The following THRB variants were observed in gnomAD, a reference collection of about 807,000 sequenced individuals.
The protein encoded by THRB is nuclear receptor subfamily 1 group A member 2.
Under a neutral mutation model 47.8 loss-of-function variants are expected in THRB, and 12 were observed. The observed-to-expected ratio is 0.25, with a 90% CI of 0.16 to 0.41. THRB has a LOEUF of 0.41. Among genes scored for constraint, THRB ranks in the 10% least tolerant of loss-of-function variants. The pLI is 1.00. For missense variants in THRB, 348 were observed against 589.2 expected (o/e 0.59, Z 4.24); for synonymous variants, 218 against 212.2 (o/e 1.03, Z -0.24).
chr3:24,434,494 T>A (rs2070746337), intron 1 of THRB, among the ~76,000 whole-genome samples: 2 of 152,318 alleles, frequency 1.3e-5, no homozygotes, highest in East Asian at 3.9e-4. Context: ...CTCTTTCATA[T>A]CTCCACTTTC....
intron 3 of THRB, among the ~76,000 whole-genome samples, chr3:24,294,665 C>G (rs2056290207): frequency 6.6e-6 from 1 of 152,146 alleles, no homozygotes; most frequent in Non-Finnish European, 1.5e-5. Flanking sequence ...AACACGGAGA[C>G]AATAGTAGGG....
intron 1 of THRB, among the ~76,000 whole-genome samples, chr3:24,352,669 C>A (rs2063428122): frequency 6.6e-6 from 1 of 152,026 alleles, no homozygotes; most frequent in African/African-American, 2.4e-5. Flanking sequence ...GAATTCATCA[C>A]AACAAAATAT....
intron 7 of THRB, among the ~76,000 whole-genome samples, chr3:24,145,805 T>C (rs1415075422): frequency 6.6e-6 from 1 of 152,248 alleles, no homozygotes; most frequent in East Asian, 1.9e-4. Flanking sequence ...ATTTTCTTTT[T>C]TCTTTCTTCA....
chr3:24,163,605 A>G (rs1201628174), intron 5 of THRB, among the ~76,000 whole-genome samples: 1 of 152,170 alleles, frequency 6.6e-6, no homozygotes, highest in Non-Finnish European at 1.5e-5. Context: ...TCAAAGTTAA[A>G]TTACTTATAC....
intron 3 of THRB, among the ~76,000 whole-genome samples, chr3:24,275,554 A>T (rs1463794149): frequency 6.6e-6 from 1 of 152,122 alleles, no homozygotes; most frequent in Non-Finnish European, 1.5e-5. Flanking sequence ...TGGTTTGGAG[A>T]GCCATGTTTT....
intron 3 of THRB, among the ~76,000 whole-genome samples, chr3:24,261,652 C>T (rs537487435): frequency 5.3e-5 from 8 of 152,130 alleles, no homozygotes; most frequent in African/African-American, 1.9e-4. Flanking sequence ...AAAGTTTCTC[C>T]AATCAGACTT....
chr3:24,200,542 T>G (rs2044471105), intron 4 of THRB, among the ~76,000 whole-genome samples: 2 of 152,184 alleles, frequency 1.3e-5, no homozygotes, highest in South Asian at 4.1e-4. Context: ...TCTCAGGGAT[T>G]AACAAAATCC....
chr3:24,285,418 T>C (rs1201566544), intron 3 of THRB, among the ~76,000 whole-genome samples: 1 of 123,424 alleles, frequency 8.1e-6, no homozygotes, highest in Admixed American at 1.0e-4. Flanking sequence ...AACATCACAC[T>C]CTGGGGACTG....
intron 4 of THRB, among the ~76,000 whole-genome samples, chr3:24,207,233 G>A (rs547559006): frequency 5.3e-5 from 8 of 152,166 alleles, no homozygotes; most frequent in South Asian, 2.1e-4. Flanking sequence ...GAACATTGAT[G>A]CAAAAATCCT....
Position 24,234,528 on chromosome 3 carries a change from C to G in THRB, c.-42-5527G>C, listed in dbSNP as rs181460693. The stretch of plus-strand genomic sequence containing the variant: ...GGAGGCTGAAGAGGAATCCATCAAC[C>G]CAAGGATCTGTCTAGGGCTGCCCCA... On this transcript the variant is annotated intron_variant, in intron 3 of 10. Coordinates refer to ENST00000646209, the MANE Select transcript of THRB (RefSeq NM_001354712.2). 3.2e-4 allele frequency among the ~76,000 whole-genome samples: 49 copies of G among 152,188 alleles called. No individual in the cohort carries two copies. The Middle Eastern group carries it at 0.017, about 53-fold the overall frequency.
chr3:24,416,355 C>A (rs1166244375), intron 1 of THRB, among the ~76,000 whole-genome samples: 1 of 151,712 alleles, frequency 6.6e-6, no homozygotes, highest in Non-Finnish European at 1.5e-5. Flanking sequence ...AAATGGCTCG[C>A]TGATGGGATG....
intron 1 of THRB, among the ~76,000 whole-genome samples, chr3:24,340,693 C>A (rs2062577088): frequency 6.6e-6 from 1 of 152,152 alleles, no homozygotes; most frequent in African/African-American, 2.4e-5. Flanking sequence ...ATTGGCCATT[C>A]AATGGGAATG....
chr3:24,162,565 CCCT>C (rs1447561074), intron 5 of THRB, among the ~76,000 whole-genome samples: 5 of 151,716 alleles, frequency 3.3e-5, no homozygotes, highest in African/African-American at 1.2e-4. Flanking sequence ...ATCGGTTTTC[CCCT>C]CCTCAATTCT....
At position 24,372,520 on chromosome 3, in the gene THRB, C is replaced by T. The variant is rs550090790; in HGVS notation, c.-260-35149G>A. On this transcript the variant is annotated intron_variant, in intron 1 of 10. Transcript: ENST00000646209. ...CATTTCTTCTGCATCCATTGACATGCTCAAGTTTTGATCATCCTACTCTGG... is the reference window on the plus strand; with the variant it reads ...CATTTCTTCTGCATCCATTGACATGTTCAAGTTTTGATCATCCTACTCTGG... 2.0e-5 allele frequency among the ~76,000 whole-genome samples: 3 copies of T among 152,192 alleles called. No homozygotes were observed. The East Asian group carries it at 5.8e-4, about 29-fold the overall frequency.
At position 24,413,898 on chromosome 3, in the gene THRB, A is replaced by G. The variant is rs138025110; in HGVS notation, c.-260-76527T>C. On this transcript the variant is annotated intron_variant, in intron 1 of 10. Coordinates refer to ENST00000646209, the MANE Select transcript of THRB (RefSeq NM_001354712.2). Reference sequence around the variant, plus strand: ...GATGAAGCTGGAAACCATCATTCTGAGCAAACTATCGCAAGGACAGAAAAC... The same window carrying G: ...GATGAAGCTGGAAACCATCATTCTGGGCAAACTATCGCAAGGACAGAAAAC... 3.5e-3 allele frequency among the ~76,000 whole-genome samples: 537 copies of G among 151,986 alleles called. 7 individuals carry two copies. Among genetic ancestry groups the G allele is most frequent in the African/African-American group, 0.012 (495 of 41,526 alleles).
At chr3:24,357,360 A>AC (rs1400005063) in intron 1 of THRB, among the ~76,000 whole-genome samples, 8 of 147,410 alleles carry the variant, frequency 5.4e-5, no homozygotes, top group South Asian at 2.1e-4. Context: ...AAAAAAAAAA[A>AC]AAAAAAAAAA....
At chr3:24,254,199 T>TAAAAAAAAAAAAAAAAAAAAAA (rs57275069) in intron 3 of THRB, among the ~76,000 whole-genome samples, 1 of 34,584 alleles carries the variant, frequency 2.9e-5, no homozygotes. Flanking sequence ...CTGTCTCTAC[T>TAAAAAAAAAAAAAAAAAAAAAA]AAAAAAAAAA....
At chr3:24,280,614 A>T (rs1264031879) in intron 3 of THRB, among the ~76,000 whole-genome samples, 1 of 152,244 alleles carries the variant, frequency 6.6e-6, no homozygotes. Flanking sequence ...TGAGAGAAGA[A>T]GGCTTCAGAC....
rs557589329 is a variant in THRB, at chr3:24,315,722, C to T, written c.-188-18351G>A. Among the ~76,000 whole-genome samples, 4 of 152,282 alleles carry T rather than the reference C, an allele frequency of 2.6e-5. No homozygotes were observed. The East Asian group carries it at 5.8e-4, about 22-fold the overall frequency. Reference sequence around the variant, plus strand: ...TTATCCACATCTACATACCCTGTTACGATTAGAACTTTACTCTCCTCTCAA... The same window carrying T: ...TTATCCACATCTACATACCCTGTTATGATTAGAACTTTACTCTCCTCTCAA... On this transcript the variant is annotated intron_variant, in intron 2 of 10. Transcript: ENST00000646209.
Sources: allele counts gnomAD v4.1 joint callset (sites outside exome capture counted in the v4.1 genomes callset), GRCh38; gene constraint gnomAD v4.1.1; transcripts MANE v1.5; gene names NCBI Gene and HGNC (gene_info 2026-07-23, HGNC 2026-07-21).